The following PER2 variants were observed in gnomAD, a reference collection of about 807,000 sequenced individuals.
PER2 encodes period circadian regulator 2, also known as period circadian protein homolog 2.
Under a neutral mutation model 121.0 loss-of-function variants are expected in PER2, and 66 were observed. That is an observed-to-expected ratio of 0.55 (90% CI 0.45 to 0.67). PER2 has a LOEUF of 0.67. PER2 is among the 30% of genes least tolerant of loss of function. PER2 has a pLI of 0.00. For missense variants in PER2, 1,521 were observed against 1,635.0 expected, an observed-to-expected ratio of 0.93 and a Z score of 1.20; for synonymous variants, 684 against 659.9, an observed-to-expected ratio of 1.04 and a Z score of -0.56.
At position 238,268,349 on chromosome 2, in the gene PER2, G is replaced by T; in HGVS notation, c.825-151C>A. The T allele has an allele frequency of 2.5e-6, 2 of 792,958 alleles. No homozygotes were observed. The highest frequency in any genetic ancestry group is 4.2e-6 in the Non-Finnish European group (2 of 470,858). The allele number at this position is 792,958 out of a possible 1,614,324, so 49.1% of individuals were successfully genotyped here. ...GCTGGGCCTGCCCCCTGCCCTCTTC[G>T]GTCCCTCCCTCAGTCCCATCATACT... On this transcript the variant is annotated intron_variant, in intron 7 of 22. Coordinates refer to ENST00000254657, the MANE Select transcript of PER2 (RefSeq NM_022817.3). This position sits in a 1 kb window ranked among gnomAD's most constrained non-coding sequence, Gnocchi z 4.0.
At chr2:238,285,798 C>T (rs1574863506) in intron 1 of PER2, among the ~76,000 whole-genome samples, 3 of 121,862 alleles carry the variant, frequency 2.5e-5, no homozygotes, top group East Asian at 2.4e-4. Context: ...TGTTTTCGAA[C>T]TTTACATAAT....
upstream of PER2, among the ~76,000 whole-genome samples, chr2:238,294,964 A>G (rs1376481833): frequency 6.6e-6 from 1 of 152,216 alleles, no homozygotes; most frequent in Non-Finnish European, 1.5e-5. Flanking sequence ...GTGCAGGTCC[A>G]TCTTGGGGAT....
chr2:238,251,501 G>A, intron 20 of PER2, 98 bp downstream of exon 20: 2 of 1,104,234 alleles, frequency 1.8e-6, no homozygotes, highest in Non-Finnish European at 2.8e-6. Flanking sequence ...GAGTGCCGGT[G>A]ATCCCTGTTC....
intron 14 of PER2, among the ~76,000 whole-genome samples, chr2:238,259,552 T>C (rs1695863698): frequency 1.3e-5 from 2 of 151,802 alleles, no homozygotes; most frequent in African/African-American, 2.4e-5. Flanking sequence ...CCGTCGGCAG[T>C]TGTGTGTGTG....
intron 1 of PER2, among the ~76,000 whole-genome samples, chr2:238,279,731 G>A (rs182544767): frequency 2.0e-4 from 30 of 152,316 alleles, no homozygotes; most frequent in Non-Finnish European, 3.7e-4. Context: ...CAGTACCCAC[G>A]TGAAATGACC....
rs147150214 is a variant in PER2, at chr2:238,277,805, G to A, written c.132C>T (p.Asn44=). 300 of 1,614,060 alleles carry A rather than the reference G, an allele frequency of 1.9e-4. No homozygotes were observed. The highest frequency in any genetic ancestry group is 2.4e-4 in the Non-Finnish European group (281 of 1,180,038). ...MSSGSSGHET[N]ENCSTGRDSQ... ...AGTCCCGCCCCGTGGAGCAGTTTTC[G>A]TTGGTCTCATGTCCACTGGAGCCAC... The change falls in exon 2 of 23, where the codon AAC becomes AAT. Residue 44 remains asparagine, a synonymous_variant. Coordinates refer to ENST00000254657, the MANE Select transcript of PER2 (RefSeq NM_022817.3).
the PER2 span, among the ~76,000 whole-genome samples, chr2:238,297,342 T>G: frequency 1.1e-4 from 17 of 152,148 alleles, no homozygotes; most frequent in Non-Finnish European, 2.4e-4. Context: ...GGCAGGAGCC[T>G]GGGGCCAGGA....
At chr2:238,261,413 C>A in intron 12 of PER2, 1 of 445,950 alleles carries the variant, frequency 2.2e-6, no homozygotes, top group Non-Finnish European at 4.2e-6. Flanking sequence ...TTAGAATGAG[C>A]CCCCGCACCA....
chr2:238,248,946 C>T (rs1238376661), intron 22 of PER2, 116 bp downstream of exon 22: 10 of 1,170,878 alleles, frequency 8.5e-6, no homozygotes, highest in South Asian at 2.4e-5. Context: ...TGAGCCACCG[C>T]GCCCGGCCTA....
chr2:238,250,613 G>A lies in PER2; in HGVS notation c.3405C>T (p.Pro1135=), dbSNP rs1695571878. The A allele has an allele frequency of 5.0e-6, 8 of 1,613,940 alleles. No individual in the cohort carries two copies. The highest frequency in any genetic ancestry group is 6.8e-6 in the Non-Finnish European group (8 of 1,179,816). ...CCGCATCTGCCATCAGCAGCCAGAT[G>A]GGATCCTGCAGGACGCACTTAATGA... ...EHFIKCVLQD[P]IWLLMADADS... is the part of the protein sequence containing the mutation. The change falls in exon 21 of 23, where the codon CCC becomes CCT. Residue 1135 remains proline, a synonymous_variant. Transcript: ENST00000254657.
At chr2:238,258,844 G>C (rs897526295) in intron 14 of PER2, among the ~76,000 whole-genome samples, 200 bp from the exon 15 acceptor site, 6 of 152,000 alleles carry the variant, frequency 3.9e-5, no homozygotes, top group African/African-American at 1.2e-4. Flanking sequence ...GAGAGACCTG[G>C]GGGGGGAGCT....
At chr2:238,257,774 G>A (rs540344863) in intron 16 of PER2, among the ~76,000 whole-genome samples, 79 of 152,266 alleles carry the variant, frequency 5.2e-4, no homozygotes, top group African/African-American at 1.6e-3. Context: ...GCGCCCAGCC[G>A]GGGTACCATT....
Position 238,253,146 on chromosome 2 carries a change from T to C in PER2, c.2877A>G (p.Pro959=). The part of the protein sequence containing the change: ...FPSRTSIPRQ[P]CACPATRATP... Reference sequence around the variant, plus strand: ...TGGCCCGGGTGGCTGGACAAGCACATGGCTGTCTGGGGATCGAGGTCCGGC... The same window carrying C: ...TGGCCCGGGTGGCTGGACAAGCACACGGCTGTCTGGGGATCGAGGTCCGGC... Residue 959 remains proline, a synonymous_variant, in exon 19 of 23, where the codon CCA becomes CCG. Transcript: ENST00000254657. This position sits in a 1 kb window ranked among gnomAD's most constrained non-coding sequence, Gnocchi z 5.6. 6.3e-7 allele frequency: 1 copy of C among 1,599,794 alleles called. No homozygotes were observed. Among genetic ancestry groups the C allele is most frequent in the Non-Finnish European group, 8.5e-7 (1 of 1,170,182 alleles).
At chr2:238,263,082 T>C in intron 9 of PER2, 24 bp from the exon 10 acceptor site, 1 of 1,367,794 alleles carries the variant, frequency 7.3e-7, no homozygotes, top group South Asian at 1.2e-5. Flanking sequence ...AGACACACGC[T>C]AGGATTGGCA....
rs1266550327 is a variant in PER2, at chr2:238,268,930, G to A, written c.817C>T (p.Arg273Cys). ...ECMEEKSFFC[R>C]VSVRKSHENE... Reference sequence around the variant, plus strand: ...ACTGGGAACCAGGCTTACCTGACACGGCAAAAGAAAGATTTCTCCTCCATG... The same window carrying A: ...ACTGGGAACCAGGCTTACCTGACACAGCAAAAGAAAGATTTCTCCTCCATG... The change falls in exon 7 of 23, where the codon CGT becomes TGT. Residue 273 changes from arginine (R) to cysteine (C), a missense_variant. Coordinates refer to ENST00000254657, the MANE Select transcript of PER2 (RefSeq NM_022817.3). This position sits in a 1 kb window ranked among gnomAD's most constrained non-coding sequence, Gnocchi z 4.0. The A allele has an allele frequency of 5.0e-6, 8 of 1,610,872 alleles. No homozygotes were observed. Among genetic ancestry groups the A allele is most frequent in the East Asian group, 2.2e-5 (1 of 44,864 alleles).
intron 8 of PER2, 103 bp from the exon 9 acceptor site, chr2:238,265,693 C>T: frequency 1.3e-6 from 1 of 762,816 alleles, no homozygotes; most frequent in Non-Finnish European, 2.4e-6. Context: ...GAGTAATGAG[C>T]AGCTAAAGAA....
At chr2:238,272,991 C>A (rs905889284) in intron 5 of PER2, 79 bp downstream of exon 5, 1 of 1,383,474 alleles carries the variant, frequency 7.2e-7, no homozygotes, top group Non-Finnish European at 1.0e-6. Context: ...TTACAGCCAC[C>A]GGCCGCAGTG....
chr2:238,271,558 C>A, intron 5 of PER2, 45 bp from the exon 6 acceptor site: 1 of 1,463,814 alleles, frequency 6.8e-7, no homozygotes, highest in South Asian at 1.1e-5. Context: ...CAGATGGTGT[C>A]GGACGCCACA....
At chr2:238,290,277 C>A (rs950153185), upstream of PER2, among the ~76,000 whole-genome samples, 7 of 152,136 alleles carry the variant, frequency 4.6e-5, no homozygotes, top group Admixed American at 6.5e-5. Context: ...GACACCTCGA[C>A]ACACTCCCCG....
Sources: allele counts gnomAD v4.1 joint callset (sites outside exome capture counted in the v4.1 genomes callset), GRCh38; gene constraint gnomAD v4.1.1; non-coding constraint Gnocchi (gnomAD v3.1); transcripts MANE v1.5; gene names NCBI Gene and HGNC (gene_info 2026-07-23, HGNC 2026-07-21).